CNIH3: variants seen among roughly 807,000 people sequenced by gnomAD.
CNIH3 encodes the protein cornichon family AMPA receptor auxiliary protein 3.
In CNIH3, 14 loss-of-function variants were observed where a neutral mutation model predicts 24.1. The ratio of observed to expected loss-of-function variants is 0.58; its 90% CI spans 0.38 to 0.91. The LOEUF (loss-of-function observed/expected upper bound fraction) is 0.91, where lower values mean the gene tolerates loss of function less well. CNIH3 is among the 40% of genes least tolerant of loss of function. The pLI is 0.00. For synonymous variants in CNIH3, 68 were observed against 73.8 expected (o/e 0.92, Z 0.40); for missense variants, 178 against 196.8 (o/e 0.90, Z 0.57).
At chr1:224,652,410 C>A (rs569598540) in intron 1 of CNIH3, among the ~76,000 whole-genome samples, 1 of 152,192 alleles carries the variant, frequency 6.6e-6, no homozygotes, top group South Asian at 2.1e-4. Flanking sequence ...TCAGACCTAG[C>A]GGTAGGGAAG....
chr1:224,636,058 A>G (rs1216158769), intron 1 of CNIH3, among the ~76,000 whole-genome samples: 2 of 152,200 alleles, frequency 1.3e-5, no homozygotes, highest in African/African-American at 4.8e-5. Flanking sequence ...AAAAATCAAC[A>G]ATACAGCAAG....
At chr1:224,537,376 C>G (rs1679327871), downstream of CNIH3, 1 of 152,212 alleles carries the variant, frequency 6.6e-6, no homozygotes, top group Non-Finnish European at 1.5e-5. Flanking sequence ...GTGATCATTC[C>G]TCTACCCACC....
intron 1 of CNIH3, among the ~76,000 whole-genome samples, chr1:224,662,057 C>T (rs1406945661): frequency 6.6e-6 from 1 of 152,150 alleles, no homozygotes; most frequent in African/African-American, 2.4e-5. Flanking sequence ...GCAAGTAATT[C>T]TGAACTGTCT....
At chr1:224,670,223 G>A (rs924185517) in intron 1 of CNIH3, among the ~76,000 whole-genome samples, 5 of 152,290 alleles carry the variant, frequency 3.3e-5, no homozygotes, top group Non-Finnish European at 7.4e-5. Context: ...TGGAGCCGGG[G>A]TGGTCCATTT....
At chr1:224,544,498 C>T (rs1275096174) in intron 2 of CNIH3, among the ~76,000 whole-genome samples, 1 of 152,138 alleles carries the variant, frequency 6.6e-6, no homozygotes, top group Non-Finnish European at 1.5e-5. Flanking sequence ...CAAAACTGCT[C>T]TATGTTTTTA....
At chr1:224,501,643 C>T (rs572563683) in intron 1 of CNIH3, among the ~76,000 whole-genome samples, 44 of 150,962 alleles carry the variant, frequency 2.9e-4, no homozygotes, top group African/African-American at 5.9e-4. Context: ...TGCAGTGGCG[C>T]GATCTCGGCT....
Position 224,684,033 on chromosome 1 carries a change from TC to T in CNIH3, c.151-761del, listed in dbSNP as rs1686528699. On this transcript the variant is annotated intron_variant, in intron 2 of 5. Transcript: ENST00000272133. The surrounding 1 kb of genome is among the most constrained non-coding windows in gnomAD (Gnocchi z 4.2). Reference sequence around the variant, plus strand: ...GAGCCATGAGGAATCTCATTACCATTCCATCTACAGCAACCAAATTGCCTCA... The same window carrying T: ...GAGCCATGAGGAATCTCATTACCATTCATCTACAGCAACCAAATTGCCTCA... Among the ~76,000 whole-genome samples, 1 of 152,204 alleles carries T rather than the reference TC, an allele frequency of 6.6e-6. No homozygotes were observed. Among genetic ancestry groups the T allele is most frequent in the African/African-American group, 2.4e-5 (1 of 41,442 alleles).
At position 224,435,451 on chromosome 1, in the gene CNIH3, G is replaced by A. The variant is rs1056459599; in HGVS notation, n.203+589G>A. Reference sequence around the variant, plus strand: ...TTAGTCTAGAGGAGCATATCTTATGGGGACAAGAAGTCACAAAAAGGCTGT... The same window carrying A: ...TTAGTCTAGAGGAGCATATCTTATGAGGACAAGAAGTCACAAAAAGGCTGT... On this transcript the variant is annotated intron_variant and non_coding_transcript_variant, in intron 1 of 5. Transcript: ENST00000471578. Among the ~76,000 whole-genome samples the A allele has an allele frequency of 1.2e-4, 18 of 152,304 alleles. 1 individual carries two copies. The South Asian group carries it at 3.5e-3, about 30-fold the overall frequency.
At chr1:224,514,640 G>A (rs907582063), upstream of CNIH3, among the ~76,000 whole-genome samples, 5 of 152,156 alleles carry the variant, frequency 3.3e-5, no homozygotes, top group Non-Finnish European at 7.4e-5. Flanking sequence ...AGAACAGCCT[G>A]AGCAGTATAG....
chr1:224,477,777 TTCTTATTGCTTATTA>T (rs1462662540), intron 1 of CNIH3, among the ~76,000 whole-genome samples: 2 of 152,222 alleles, frequency 1.3e-5, no homozygotes, highest in Non-Finnish European at 2.9e-5. Context: ...TTCAGATAAT[TTCTTATTGCTTATTA>T]ATGTCTTTTC....
chr1:224,693,830 A>T (rs1343292705), intron 3 of CNIH3, among the ~76,000 whole-genome samples: 1 of 152,118 alleles, frequency 6.6e-6, no homozygotes, highest in Non-Finnish European at 1.5e-5. Context: ...GTGGTTTCTA[A>T]TTTTTTTGCA....
chr1:224,548,492 C>T (rs944842226), intron 3 of CNIH3, among the ~76,000 whole-genome samples: 3 of 151,452 alleles, frequency 2.0e-5, no homozygotes, highest in Non-Finnish European at 2.9e-5. Flanking sequence ...TGGGTATATA[C>T]CCTCTGATAT....
intron 1 of CNIH3, among the ~76,000 whole-genome samples, chr1:224,518,680 C>A (rs1050342604): frequency 6.6e-6 from 1 of 152,178 alleles, no homozygotes; most frequent in Non-Finnish European, 1.5e-5. Context: ...CCCCCTCTTA[C>A]TCATTCAGTC....
intron 1 of CNIH3, among the ~76,000 whole-genome samples, chr1:224,666,011 G>A (rs1041762156): frequency 1.3e-5 from 2 of 152,240 alleles, no homozygotes; most frequent in Admixed American, 6.5e-5. Context: ...GGTCTGTGCC[G>A]CCTTGTATTT....
intron 3 of CNIH3, among the ~76,000 whole-genome samples, chr1:224,694,651 A>C (rs1458726352): frequency 2.0e-5 from 3 of 152,240 alleles, no homozygotes; most frequent in Non-Finnish European, 2.9e-5. Context: ...TAGTAGTATA[A>C]TTTGTAATTG....
chr1:224,657,736 A>G (rs1472830170), intron 1 of CNIH3, among the ~76,000 whole-genome samples: 5 of 152,170 alleles, frequency 3.3e-5, no homozygotes, highest in Non-Finnish European at 5.9e-5. Context: ...AGAAATCTGC[A>G]TTTAAGAGTC....
chr1:224,460,217 T>G (rs1438505659), intron 1 of CNIH3, among the ~76,000 whole-genome samples: 1 of 152,182 alleles, frequency 6.6e-6, no homozygotes, highest in South Asian at 2.1e-4. Flanking sequence ...TGGAGTCATC[T>G]TTTTAAAACA....
intron 1 of CNIH3, among the ~76,000 whole-genome samples, chr1:224,652,929 T>C (rs1254678533): frequency 6.6e-6 from 1 of 152,236 alleles, no homozygotes; most frequent in Non-Finnish European, 1.5e-5. Flanking sequence ...GGTGAAGGTA[T>C]TGGGAACACA....
At chr1:224,602,597 G>A (rs1232291910) in intron 3 of CNIH3, among the ~76,000 whole-genome samples, 1 of 152,138 alleles carries the variant, frequency 6.6e-6, no homozygotes, top group Admixed American at 6.5e-5. Flanking sequence ...AGTGACCCCT[G>A]TAACAAAAGA....
Sources: gnomAD v4.1 joint callset for allele counts (sites outside exome capture counted in the v4.1 genomes callset) on GRCh38, gnomAD v4.1.1 for gene constraint, Gnocchi (gnomAD v3.1) non-coding constraint, MANE v1.5 for transcripts, NCBI Gene and HGNC (gene_info 2026-07-23, HGNC 2026-07-21) for gene names.